ANKS1B: variants seen among roughly 807,000 people sequenced by gnomAD.
ANKS1B encodes ankyrin repeat and sterile alpha motif domain-containing protein 1B.
In ANKS1B, 36 loss-of-function variants were observed where a neutral mutation model predicts 148.3. That is an observed-to-expected ratio of 0.24 (90% CI 0.19 to 0.32). The LOEUF is 0.32. Among genes scored for constraint, ANKS1B ranks in the 10% least tolerant of loss-of-function variants. The probability of loss-of-function intolerance (pLI) is 1.00; values close to 1 mark genes in which losing one functional copy is unlikely to be tolerated. For missense variants in ANKS1B, 1,157 were observed against 1,542.6 expected (o/e 0.75, Z 4.19); for synonymous variants, 542 against 560.8 (o/e 0.97, Z 0.47).
At chr12:99,393,632 C>T (rs1233093694) in intron 12 of ANKS1B, among the ~76,000 whole-genome samples, 2 of 152,192 alleles carry the variant, frequency 1.3e-5, no homozygotes, top group African/African-American at 4.8e-5. Context: ...AACTCAGCTG[C>T]TCAGTCCCAT....
At chr12:99,583,047 T>C (rs943289572) in intron 9 of ANKS1B, among the ~76,000 whole-genome samples, 3 of 152,168 alleles carry the variant, frequency 2.0e-5, no homozygotes, top group African/African-American at 7.2e-5. Context: ...TGTACCACTA[T>C]CTAAAATTGT....
At chr12:99,937,514 T>C (rs1296184287) in intron 1 of ANKS1B, among the ~76,000 whole-genome samples, 1 of 152,134 alleles carries the variant, frequency 6.6e-6, no homozygotes, top group Non-Finnish European at 1.5e-5. Flanking sequence ...TCAAAAGCCC[T>C]TGATAATTTT....
At chr12:99,703,498 C>G (rs890783784) in intron 8 of ANKS1B, among the ~76,000 whole-genome samples, 1 of 152,092 alleles carries the variant, frequency 6.6e-6, no homozygotes, top group East Asian at 1.9e-4. Flanking sequence ...TTCAGTATCC[C>G]TGAAACATAT....
chr12:99,331,438 C>T (rs1204388629), intron 12 of ANKS1B, among the ~76,000 whole-genome samples: 4 of 151,954 alleles, frequency 2.6e-5, no homozygotes, highest in Admixed American at 2.0e-4. Flanking sequence ...GCCAAATCTC[C>T]GTTTCTCTTC....
chr12:98,790,284 AG>A (rs1176996363), intron 22 of ANKS1B, among the ~76,000 whole-genome samples: 1 of 152,128 alleles, frequency 6.6e-6, no homozygotes, highest in Non-Finnish European at 1.5e-5. Context: ...ATGAGAGTAC[AG>A]GGTATGTTTG....
At chr12:99,573,432 C>CA (rs2097483183) in intron 9 of ANKS1B, among the ~76,000 whole-genome samples, 1 of 151,936 alleles carries the variant, frequency 6.6e-6, no homozygotes, top group African/African-American at 2.4e-5. Flanking sequence ...ATATTAGCTT[C>CA]AAAAAATGAA....
At chr12:99,464,956 T>C (rs979191944) in intron 10 of ANKS1B, among the ~76,000 whole-genome samples, 2 of 152,016 alleles carry the variant, frequency 1.3e-5, no homozygotes, top group Non-Finnish European at 2.9e-5. Context: ...ACAAAGATAC[T>C]CCTCGAGAAG....
chr12:99,132,720 G>A (rs1210716205), intron 15 of ANKS1B, among the ~76,000 whole-genome samples: 11 of 152,146 alleles, frequency 7.2e-5, no homozygotes, highest in Non-Finnish European at 1.6e-4. Context: ...TATCAGCCAA[G>A]TGTTACTTAT....
chr12:99,560,499 C>T (rs970769317), intron 9 of ANKS1B, among the ~76,000 whole-genome samples: 1 of 152,042 alleles, frequency 6.6e-6, no homozygotes, highest in African/African-American at 2.4e-5. Flanking sequence ...AGTTGATATG[C>T]AGGCATACCT....
intron 9 of ANKS1B, among the ~76,000 whole-genome samples, chr12:99,573,892 C>T (rs2097488516): frequency 1.3e-5 from 2 of 151,432 alleles, no homozygotes; most frequent in Non-Finnish European, 2.9e-5. Context: ...CAGGACTTCG[C>T]TACTCAAAAA....
intron 19 of ANKS1B, among the ~76,000 whole-genome samples, chr12:98,823,193 G>A (rs913939609): frequency 6.6e-6 from 1 of 152,206 alleles, no homozygotes; most frequent in Non-Finnish European, 1.5e-5. Context: ...TCTGAAGCTC[G>A]GGTGTCAGCT....
At chr12:99,962,736 C>T (rs2095430245) in intron 1 of ANKS1B, among the ~76,000 whole-genome samples, 1 of 152,094 alleles carries the variant, frequency 6.6e-6, no homozygotes, top group African/African-American at 2.4e-5. Context: ...TTAATAATCA[C>T]CATTCTGACT....
chr12:99,121,711 G>A (rs1337115058), intron 15 of ANKS1B, among the ~76,000 whole-genome samples: 2 of 152,156 alleles, frequency 1.3e-5, no homozygotes, highest in Non-Finnish European at 2.9e-5. Context: ...TGCTCACTGA[G>A]TGTTGCTAAG....
intron 17 of ANKS1B, among the ~76,000 whole-genome samples, chr12:99,037,093 C>G (rs975088236): frequency 6.6e-6 from 1 of 152,200 alleles, no homozygotes; most frequent in Non-Finnish European, 1.5e-5. Flanking sequence ...TATGCAAATA[C>G]TAGACCTCAC....
At chr12:98,982,925 C>T (rs2099914102) in intron 17 of ANKS1B, among the ~76,000 whole-genome samples, 1 of 152,196 alleles carries the variant, frequency 6.6e-6, no homozygotes, top group African/African-American at 2.4e-5. Flanking sequence ...ATAAGGTATA[C>T]ACATTTTAAA....
chr12:99,462,520 C>T (rs978446582), intron 10 of ANKS1B, among the ~76,000 whole-genome samples: 4 of 152,186 alleles, frequency 2.6e-5, no homozygotes, highest in Non-Finnish European at 5.9e-5. Context: ...ACCTACATCT[C>T]AAAGTCAGCT....
intron 4 of ANKS1B, among the ~76,000 whole-genome samples, chr12:99,786,287 T>C (rs567603151): frequency 8.9e-4 from 135 of 152,266 alleles, no homozygotes; most frequent in African/African-American, 3.1e-3. Flanking sequence ...ACAGAAAGTA[T>C]GAACCCCAGG....
At chr12:99,068,000 C>T (rs146655534) in intron 16 of ANKS1B, among the ~76,000 whole-genome samples, 3 of 152,088 alleles carry the variant, frequency 2.0e-5, no homozygotes, top group African/African-American at 7.2e-5. Flanking sequence ...CCAGTAGAGT[C>T]ACTCTTACAA....
At chr12:99,324,796 T>A (rs1408438538) in intron 12 of ANKS1B, among the ~76,000 whole-genome samples, 2 of 152,114 alleles carry the variant, frequency 1.3e-5, no homozygotes, top group Admixed American at 6.6e-5. Context: ...ACCATCATTT[T>A]TTTTTCTAAA....
Sources: allele counts gnomAD v4.1 joint callset (sites outside exome capture counted in the v4.1 genomes callset), GRCh38; gene constraint gnomAD v4.1.1; transcripts MANE v1.5; gene names NCBI Gene and HGNC (gene_info 2026-07-23, HGNC 2026-07-21).